INO80: variants seen among roughly 807,000 people sequenced by gnomAD.
INO80 encodes the protein INO80 complex ATPase subunit, also known as chromatin-remodeling ATPase INO80.
INO80 carries 20 observed loss-of-function variants against 203.4 expected under a neutral mutation model. The observed-to-expected ratio is 0.10, with a 90% CI of 0.07 to 0.14. INO80 has a LOEUF of 0.14. Among genes scored for constraint, INO80 ranks in the 10% least tolerant of loss-of-function variants. The pLI, the probability that INO80 is intolerant of heterozygous loss-of-function variation, is 1.00. For missense variants in INO80, 1,419 were observed against 1,914.4 expected (o/e 0.74, Z 4.83); for synonymous variants, 726 against 685.2 (o/e 1.06, Z -0.93).
chr15:41,080,016 AC>A, intron 8 of INO80, 112 bp from the exon 9 acceptor site: 1 of 881,248 alleles, frequency 1.1e-6, no homozygotes, highest in Non-Finnish European at 1.8e-6. Context: ...GTCATCCTTG[AC>A]CACATCTTTC....
At chr15:41,015,561 G>A (rs2044190839) in intron 27 of INO80, among the ~76,000 whole-genome samples, 1 of 152,018 alleles carries the variant, frequency 6.6e-6, no homozygotes, top group South Asian at 2.1e-4. Context: ...CACTGGTGTA[G>A]GGCAGGGGGC....
chr15:41,058,554 T>G (rs549988352), intron 16 of INO80, 85 bp downstream of exon 16: 2 of 971,160 alleles, frequency 2.1e-6, no homozygotes, highest in East Asian at 5.3e-5. Context: ...TACAAGTCTG[T>G]GTGTGTGTGT....
intron 1 of INO80, among the ~76,000 whole-genome samples, chr15:41,103,642 C>T (rs2045840176): frequency 6.6e-6 from 1 of 152,136 alleles, no homozygotes. Flanking sequence ...CCACCTGCCT[C>T]GGCCTCCCAA....
intron 35 of INO80, among the ~76,000 whole-genome samples, chr15:40,981,303 T>C (rs1445049218): frequency 6.6e-6 from 1 of 152,168 alleles, no homozygotes; most frequent in Non-Finnish European, 1.5e-5. Flanking sequence ...TTCTGCCCTC[T>C]ACACAGTGCA....
intron 1 of INO80, among the ~76,000 whole-genome samples, chr15:41,110,674 G>C (rs559333369): frequency 6.6e-6 from 1 of 152,100 alleles, no homozygotes; most frequent in Non-Finnish European, 1.5e-5. Flanking sequence ...CAAGTGATTT[G>C]CCTGCCTTGG....
chr15:41,082,233 A>G (rs1290859351), intron 7 of INO80, among the ~76,000 whole-genome samples: 5 of 146,680 alleles, frequency 3.4e-5, no homozygotes, highest in East Asian at 4.0e-4. Context: ...CTGGGTGACA[A>G]GAGCAAAACT....
chr15:41,094,352 T>C (rs1025797537), intron 4 of INO80, among the ~76,000 whole-genome samples: 1 of 152,216 alleles, frequency 6.6e-6, no homozygotes, highest in Non-Finnish European at 1.5e-5. Flanking sequence ...AGTTGTTTCT[T>C]TTCTCAGGAC....
At chr15:41,069,823 G>A (rs2045282506) in intron 13 of INO80, among the ~76,000 whole-genome samples, 158 bp from the exon 14 acceptor site, 1 of 152,124 alleles carries the variant, frequency 6.6e-6, no homozygotes, top group Non-Finnish European at 1.5e-5. Flanking sequence ...AATATCCTAT[G>A]TTAATAATAA....
intron 28 of INO80, among the ~76,000 whole-genome samples, chr15:41,000,706 C>CAAAAA (rs58232890): frequency 4.8e-4 from 27 of 56,708 alleles, no homozygotes; most frequent in African/African-American, 6.7e-4. Context: ...CACCCTGTCT[C>CAAAAA]AAAAAAAAAA....
intron 1 of INO80, among the ~76,000 whole-genome samples, chr15:41,104,858 T>G (rs1393376580): frequency 6.6e-6 from 1 of 152,154 alleles, no homozygotes; most frequent in Admixed American, 6.6e-5. Context: ...AGTATTTATA[T>G]TGTACAGAAT....
intron 12 of INO80, 33 bp from the exon 13 acceptor site, chr15:41,070,580 T>C (rs372243742): frequency 2.0e-6 from 3 of 1,528,544 alleles, no homozygotes; most frequent in East Asian, 2.2e-5. Flanking sequence ...CAACACCTCA[T>C]GCATTTCATC....
At chr15:40,982,840 C>G in intron 35 of INO80, 22 bp downstream of exon 35, 2 of 1,586,880 alleles carry the variant, frequency 1.3e-6, no homozygotes, top group South Asian at 2.2e-5. Context: ...ACAAAGTCTG[C>G]AGCCACCCTG....
Position 41,108,523 on chromosome 15 carries a change from C to T in INO80, c.-44+7450G>A, listed in dbSNP as rs533212909. On this transcript the variant is annotated intron_variant, in intron 1 of 35. Transcript: ENST00000648947. ...AGGAGAATGGCATGAACTCGGGAGG[C>T]GGAGCTTGCAGTGAGCCGAGATCTC... 1.3e-4 allele frequency among the ~76,000 whole-genome samples: 19 copies of T among 143,274 alleles called. No individual in the cohort carries two copies. The South Asian group carries it at 2.7e-3, about 21-fold the overall frequency. The allele number at this position is 143,274 out of a possible 152,430, so 94.0% of individuals were successfully genotyped here. A position where few individuals can be genotyped will look rare whatever the true frequency, so the allele number is the denominator to read the frequency against.
chr15:40,992,502 T>C (rs2043829330), intron 29 of INO80, among the ~76,000 whole-genome samples: 1 of 152,210 alleles, frequency 6.6e-6, no homozygotes, highest in East Asian at 1.9e-4. Flanking sequence ...ACATTAGGTT[T>C]TTCCTGACAT....
At chr15:41,032,057 G>GAAAA in intron 24 of INO80, among the ~76,000 whole-genome samples, 2 of 79,474 alleles carry the variant, frequency 2.5e-5, no homozygotes, top group African/African-American at 4.3e-5. Context: ...GCACAGCACA[G>GAAAA]CACAGGACAG....
chr15:41,093,524 T>C (rs1303104332), intron 4 of INO80, among the ~76,000 whole-genome samples: 2 of 152,136 alleles, frequency 1.3e-5, no homozygotes, highest in African/African-American at 4.8e-5. Flanking sequence ...ATCATGGGTA[T>C]ACAACTTTGT....
intron 4 of INO80, among the ~76,000 whole-genome samples, chr15:41,095,289 T>C (rs2045706053): frequency 6.6e-6 from 1 of 152,202 alleles, no homozygotes; most frequent in Non-Finnish European, 1.5e-5. Flanking sequence ...TGCAGTGAGC[T>C]GAGATCATGC....
In INO80 at chr15:41,031,968, C is replaced by CACAGG. The variant is rs2044485629; in HGVS notation, c.2908-4233_2908-4232insCCTGT. 5.6e-4 allele frequency among the ~76,000 whole-genome samples: 39 copies of CACAGG among 69,670 alleles called. 2 individuals are homozygous for CACAGG. The highest frequency in any genetic ancestry group is 1.2e-3 in the African/African-American group (24 of 19,568). The allele number at this position is 69,670 out of a possible 152,430, so 45.7% of individuals were successfully genotyped here. On this transcript the variant is annotated intron_variant, in intron 24 of 35. Transcript: ENST00000648947. The stretch of plus-strand genomic sequence containing the variant: ...CACAGCACAGCACAGCACAGGACAG[C>CACAGG]ACAGCACAGCACAGCACAGCACAGC...
intron 1 of INO80, among the ~76,000 whole-genome samples, chr15:41,103,514 C>CA (rs1237305461): frequency 6.6e-6 from 1 of 152,176 alleles, no homozygotes; most frequent in Non-Finnish European, 1.5e-5. Context: ...CTCAGCCTCC[C>CA]AGGTAGCTGG....
Sources: allele counts gnomAD v4.1 joint callset (sites outside exome capture counted in the v4.1 genomes callset), GRCh38; gene constraint gnomAD v4.1.1; transcripts MANE v1.5; gene names NCBI Gene and HGNC (gene_info 2026-07-23, HGNC 2026-07-21).